Variants in ASH1L observed in about 807,000 individuals in gnomAD.
ASH1L encodes ASH1 like histone lysine methyltransferase.
A neutral mutation model predicts 269.0 loss-of-function variants in ASH1L; 23 were observed. The observed-to-expected ratio is 0.09, with a 90% CI of 0.06 to 0.12. ASH1L has a LOEUF of 0.12. Among genes scored for constraint, ASH1L ranks in the 10% least tolerant of loss-of-function variants. The pLI, the probability that ASH1L is intolerant of heterozygous loss-of-function variation, is 1.00. For synonymous variants in ASH1L, 1,187 were observed against 1,253.5 expected, an observed-to-expected ratio of 0.95 and a Z score of 1.12; for missense variants, 2,912 against 3,567.8, an observed-to-expected ratio of 0.82 and a Z score of 4.68.
intron 2 of ASH1L, among the ~76,000 whole-genome samples, chr1:155,487,930 C>T (rs1427927354): frequency 6.6e-6 from 1 of 151,370 alleles, no homozygotes; most frequent in Non-Finnish European, 1.5e-5. Flanking sequence ...CCCTGTTGCC[C>T]AAGCAGGAGC....
At position 155,336,231 on chromosome 1, in the gene ASH1L, G is replaced by A. The variant is rs552245373; in HGVS notation, c.*1429C>T. ...GTCTACCTAAACGAGTCAGAGCATC[G>A]TCACCATAAGGGGAAATGTACAATT... On this transcript the variant is annotated 3_prime_UTR_variant, in exon 28 of 28. Transcript: ENST00000392403. 6 of 152,486 alleles carry A rather than the reference G, an allele frequency of 3.9e-5. No individual in the cohort carries two copies. Among genetic ancestry groups the A allele is most frequent in the East Asian group, 1.9e-4 (1 of 5,302 alleles). 9.4% of individuals were successfully genotyped at this position (152,486 alleles called of 1,614,324 possible).
At position 155,492,248 on chromosome 1, in the gene ASH1L, A is replaced by C. The variant is rs560545703; in HGVS notation, c.421-9799T>G. On this transcript the variant is annotated intron_variant, in intron 2 of 27. Transcript: ENST00000392403. ...TTTTTGGTAGAGACAGGGTTTCTCC[A>C]CATTGGTCAGGCTGGTCTCGAACTC... Among the ~76,000 whole-genome samples the C allele has an allele frequency of 8.6e-5, 13 of 150,890 alleles. No homozygotes were observed. The South Asian group carries it at 2.5e-3, about 29-fold the overall frequency.
intron 4 of ASH1L, among the ~76,000 whole-genome samples, chr1:155,459,581 A>C (rs1356206951): frequency 2.6e-5 from 4 of 152,190 alleles, no homozygotes; most frequent in African/African-American, 9.7e-5. Context: ...CTTTTACTTT[A>C]ATTCAGCTTT....
chr1:155,397,878 C>A (rs1321839560), intron 6 of ASH1L, among the ~76,000 whole-genome samples: 1 of 152,038 alleles, frequency 6.6e-6, no homozygotes, highest in Non-Finnish European at 1.5e-5. Context: ...CTTAATAATT[C>A]ATAAAACAGG....
chr1:155,508,316 G>GA (rs1456281648), intron 2 of ASH1L, among the ~76,000 whole-genome samples: 1 of 152,048 alleles, frequency 6.6e-6, no homozygotes, highest in Admixed American at 6.5e-5. Context: ...CACTTGGGAG[G>GA]AAAAAAGAAA....
rs756159532 is a variant in ASH1L, at chr1:155,438,947, A to G, written c.5208T>C (p.Ala1736=). Reference sequence around the variant, plus strand: ...GTGGTGCAGAGGCAGTTGCAATCACAGCATCAATACTTTTCTCCATGGGCT... The same window carrying G: ...GTGGTGCAGAGGCAGTTGCAATCACGGCATCAATACTTTTCTCCATGGGCT... The part of the protein sequence containing the change: ...DQEPMEKSID[A]VIATASAPPS... Residue 1736 remains alanine, a synonymous_variant, in exon 5 of 28, where the codon GCT becomes GCC. Coordinates refer to ENST00000392403, the MANE Select transcript of ASH1L (RefSeq NM_018489.3). 4 of 1,614,190 alleles carry G rather than the reference A, an allele frequency of 2.5e-6. No individual in the cohort carries two copies. In the South Asian group the frequency reaches 4.4e-5, roughly 18 times the overall value.
intron 4 of ASH1L, among the ~76,000 whole-genome samples, chr1:155,441,039 T>C (rs12070566): frequency 6.4e-4 from 98 of 152,298 alleles, no homozygotes; most frequent in African/African-American, 2.3e-3. Context: ...GTTTAAACTC[T>C]TGAACCTGTC....
At chr1:155,416,217 G>A (rs1660195315) in intron 5 of ASH1L, among the ~76,000 whole-genome samples, 2 of 152,016 alleles carry the variant, frequency 1.3e-5, no homozygotes, top group South Asian at 4.2e-4. Context: ...GGCAACCTCC[G>A]CTTTCTGGGT....
At chr1:155,537,231 G>C (rs1328090875) in intron 1 of ASH1L, among the ~76,000 whole-genome samples, 1 of 152,080 alleles carries the variant, frequency 6.6e-6, no homozygotes, top group Non-Finnish European at 1.5e-5. Context: ...ATATTACAAT[G>C]ATTATATCTG....
chr1:155,345,174 CTT>C (rs397981613), intron 21 of ASH1L, among the ~76,000 whole-genome samples: 8 of 64,038 alleles, frequency 1.2e-4, no homozygotes, highest in Non-Finnish European at 1.9e-4. Flanking sequence ...CCAGGATGGT[CTT>C]TTTTTTTTTT....
In ASH1L at chr1:155,532,367, TATG is replaced by T. The variant is rs1307480234; in HGVS notation, c.-99-10752_-99-10750del. Among the ~76,000 whole-genome samples, 4 of 152,320 alleles carry T rather than the reference TATG, an allele frequency of 2.6e-5. No homozygotes were observed. The East Asian group carries it at 5.8e-4, about 22-fold the overall frequency. On this transcript the variant is annotated intron_variant, in intron 1 of 27. Transcript: ENST00000392403. ...ACATATACATTGTATAAAAACAAAG[TATG>T]ATAATCTAACAATATGTTAAAAACT...
At chr1:155,447,341 T>C (rs1663113523) in intron 4 of ASH1L, among the ~76,000 whole-genome samples, 1 of 152,226 alleles carries the variant, frequency 6.6e-6, no homozygotes, top group Non-Finnish European at 1.5e-5. Flanking sequence ...GTATTGTTTT[T>C]CTTAAAAAAT....
intron 2 of ASH1L, among the ~76,000 whole-genome samples, chr1:155,519,640 T>C (rs72995140): frequency 0.049 from 7,429 of 152,148 alleles, 622 homozygotes; most frequent in African/African-American, 0.17. Flanking sequence ...GGCAAATTTA[T>C]AGTTGCTAAA....
intron 5 of ASH1L, among the ~76,000 whole-genome samples, chr1:155,429,573 A>G (rs1305587596): frequency 6.6e-6 from 1 of 152,186 alleles, no homozygotes; most frequent in Non-Finnish European, 1.5e-5. Flanking sequence ...GTATAATTAG[A>G]TTTACATGAA....
chr1:155,339,252 T>G, intron 26 of ASH1L, 76 bp downstream of exon 26: 1 of 1,295,108 alleles, frequency 7.7e-7, no homozygotes, highest in Non-Finnish European at 1.1e-6. Context: ...GCTGAGTGGG[T>G]AGTTGTTTGT....
chr1:155,508,002 CTTT>C (rs762754026), intron 2 of ASH1L, among the ~76,000 whole-genome samples: 6 of 136,552 alleles, frequency 4.4e-5, no homozygotes, highest in Non-Finnish European at 4.8e-5. Flanking sequence ...GTATACTTGA[CTTT>C]TTTTTTTTTT....
In ASH1L at chr1:155,479,481, G is replaced by C. The variant is rs761292036; in HGVS notation, c.3389C>G (p.Pro1130Arg). ...PVSSDAGFVE[P>R]SSVPYLHLHS... ...TAAATGCAAATATGGCACTGAACTG[G>C]GTTCAACAAAACCTGCATCACTACT... is the stretch of plus-strand genomic sequence containing the variant. The change falls in exon 3 of 28, where the codon CCC (proline) becomes CGC (arginine). Residue 1130 changes from proline (P) to arginine (R), a missense_variant. Transcript: ENST00000392403. 1 of 1,614,096 alleles carries C rather than the reference G, an allele frequency of 6.2e-7. No individual in the cohort carries two copies. The highest frequency in any genetic ancestry group is 8.5e-7 in the Non-Finnish European group (1 of 1,179,996).
At chr1:155,462,794 T>A (rs898772484) in intron 3 of ASH1L, among the ~76,000 whole-genome samples, 10 of 152,198 alleles carry the variant, frequency 6.6e-5, no homozygotes, top group African/African-American at 2.4e-4. Context: ...GCAGAGCTAT[T>A]CTTAACAATA....
chr1:155,503,965 C>T (rs79133443), intron 2 of ASH1L, among the ~76,000 whole-genome samples: 1 of 152,172 alleles, frequency 6.6e-6, no homozygotes, highest in Non-Finnish European at 1.5e-5. Flanking sequence ...TCAAGCCACC[C>T]ACCCACCCTG....
Sources: gnomAD v4.1 joint callset for allele counts (sites outside exome capture counted in the v4.1 genomes callset) on GRCh38, gnomAD v4.1.1 for gene constraint, MANE v1.5 for transcripts, NCBI Gene and HGNC (gene_info 2026-07-23, HGNC 2026-07-21) for gene names.